Variants in SOHLH2 observed in about 807,000 individuals in gnomAD.
The protein encoded by SOHLH2 is spermatogenesis and oogenesis specific basic helix-loop-helix 2.
SOHLH2 carries 22 observed loss-of-function variants against 50.4 expected under a neutral mutation model. The observed-to-expected ratio is 0.44, with a 90% CI of 0.31 to 0.62. The LOEUF is 0.62. Among genes scored for constraint, SOHLH2 ranks in the 20% least tolerant of loss-of-function variants. The probability of loss-of-function intolerance (pLI) is 0.08; values close to 1 mark genes in which losing one functional copy is unlikely to be tolerated. For missense variants in SOHLH2, 412 were observed against 504.4 expected, an observed-to-expected ratio of 0.82 and a Z score of 1.76; for synonymous variants, 185 against 187.3, an observed-to-expected ratio of 0.99 and a Z score of 0.10.
At chr13:36,189,048 C>T (rs1465019342) in intron 6 of SOHLH2, among the ~76,000 whole-genome samples, 2 of 152,160 alleles carry the variant, frequency 1.3e-5, no homozygotes, top group African/African-American at 4.8e-5. Flanking sequence ...TGGATGGTGT[C>T]ACCATCCACT....
intron 6 of SOHLH2, among the ~76,000 whole-genome samples, chr13:36,177,300 C>A (rs182474943): frequency 1.3e-5 from 2 of 152,138 alleles, no homozygotes; most frequent in Non-Finnish European, 1.5e-5. Flanking sequence ...TATAAATATG[C>A]CACAGCTTAC....
At chr13:36,192,282 T>G (rs1051859833) in intron 4 of SOHLH2, among the ~76,000 whole-genome samples, 9 of 151,978 alleles carry the variant, frequency 5.9e-5, no homozygotes, top group Non-Finnish European at 4.4e-5. Flanking sequence ...TGAAAAAAAT[T>G]TTTTCCTTTT....
At chr13:36,191,198 C>T (rs1887562240) in intron 5 of SOHLH2, among the ~76,000 whole-genome samples, 1 of 152,060 alleles carries the variant, frequency 6.6e-6, no homozygotes, top group Admixed American at 6.6e-5. Context: ...AATGCCAGTT[C>T]TAATGTCTAT....
In SOHLH2 at chr13:36,202,036, C is replaced by G; in HGVS notation, c.106G>C (p.Val36Leu). The G allele has an allele frequency of 6.2e-7, 1 of 1,614,182 alleles. No homozygotes were observed. Among genetic ancestry groups the G allele is most frequent in the Non-Finnish European group, 8.5e-7 (1 of 1,180,034 alleles). Residue 36 changes from valine to leucine, a missense_variant, in exon 2 of 11, where the codon GTA becomes CTA. Coordinates refer to ENST00000379881, the MANE Select transcript of SOHLH2 (RefSeq NM_017826.3). The stretch of plus-strand genomic sequence containing the variant: ...GCTATGTTTGCAAATAGTTTCTGTA[C>G]AGTATCAGCCAGGTAGCCCACAGTG... ...DVTVGYLADTVQKLFANIAEV... is the reference protein window; with the variant it reads ...DVTVGYLADTLQKLFANIAEV...
At chr13:36,195,484 C>T (rs753138325) in intron 2 of SOHLH2, among the ~76,000 whole-genome samples, 1 of 152,122 alleles carries the variant, frequency 6.6e-6, no homozygotes, top group Non-Finnish European at 1.5e-5. Flanking sequence ...TCACAGAAGG[C>T]CTGTTAGGCC....
chr13:36,194,852 T>C (rs1434916109), intron 2 of SOHLH2, among the ~76,000 whole-genome samples: 1 of 152,208 alleles, frequency 6.6e-6, no homozygotes, highest in Non-Finnish European at 1.5e-5. Context: ...TTATTATTTA[T>C]TTATTAAAAT....
intron 9 of SOHLH2, 138 bp downstream of exon 9, chr13:36,173,553 AC>A (rs1887018894): frequency 1.0e-6 from 1 of 975,210 alleles, no homozygotes. Context: ...CACCTTGTGT[AC>A]CTGAGGCTGA....
chr13:36,178,036 ATACAG>A (rs1273772410), intron 6 of SOHLH2, among the ~76,000 whole-genome samples: 7 of 151,970 alleles, frequency 4.6e-5, no homozygotes, highest in South Asian at 2.1e-4. Context: ...GTAATGTCCA[ATACAG>A]TAGTCAATAG....
At chr13:36,200,696 G>A (rs1344254157) in intron 2 of SOHLH2, among the ~76,000 whole-genome samples, 1 of 152,098 alleles carries the variant, frequency 6.6e-6, no homozygotes. Context: ...TAAGTGGCAG[G>A]GAAGAATCTA....
At position 36,189,968 on chromosome 13, in the gene SOHLH2, A is replaced by T; in HGVS notation, c.619T>A (p.Ser207Thr). The T allele has an allele frequency of 6.3e-7, 1 of 1,593,648 alleles. No individual in the cohort carries two copies. Among genetic ancestry groups the T allele is most frequent in the Non-Finnish European group, 8.6e-7 (1 of 1,167,962 alleles). Residue 207 changes from serine to threonine, a missense_variant, in exon 6 of 11, where the codon TCA becomes ACA. Ser to Thr is a moderately conservative substitution (Grantham distance 58, BLOSUM62 1). Transcript: ENST00000379881. ...EKNKKISLLH[S>T]SKEKLRRERI... ...CACCTTCTTAGTTTTTCCTTGCTTG[A>T]ATGAAGAAGAGAGATCTTTTTGTTT...
intron 4 of SOHLH2, among the ~76,000 whole-genome samples, 162 bp downstream of exon 4, chr13:36,193,459 C>G (rs1460392384): frequency 6.6e-6 from 1 of 152,250 alleles, no homozygotes. Context: ...TGCCCTTGGG[C>G]AACACATTCT....
At position 36,169,041 on chromosome 13, in the gene SOHLH2, G is replaced by A. The variant is rs748493165; in HGVS notation, c.1271C>T (p.Ala424Val). The A allele has an allele frequency of 2.5e-6, 4 of 1,605,544 alleles. No individual in the cohort carries two copies. The highest frequency in any genetic ancestry group is 2.3e-5 in the East Asian group (1 of 44,230). The change falls in exon 11 of 11, where the codon GCG becomes GTG. Residue 424 changes from alanine to valine, a missense_variant. Ala to Val is a moderately conservative substitution (Grantham distance 64, BLOSUM62 0). Coordinates refer to ENST00000379881, the MANE Select transcript of SOHLH2 (RefSeq NM_017826.3). ...AATTTCAAACATGTGCTTTTAATAC[G>A]CCCAAAACTGTTGCTGCAAAGAAGG... ...THPNCLQQFW[A>V]Y
At chr13:36,210,632 T>C (rs530069092) in intron 1 of SOHLH2, among the ~76,000 whole-genome samples, 1 of 152,270 alleles carries the variant, frequency 6.6e-6, no homozygotes, top group Admixed American at 6.5e-5. Flanking sequence ...TTGGGGTAGA[T>C]GGGGAGGTTG....
chr13:36,207,000 A>C (rs1467888215), intron 1 of SOHLH2, among the ~76,000 whole-genome samples: 2 of 151,642 alleles, frequency 1.3e-5, no homozygotes. Context: ...AATGTTTTTC[A>C]CCTCAAATTT....
chr13:36,184,508 G>A (rs1378186407), intron 6 of SOHLH2, among the ~76,000 whole-genome samples: 1 of 127,610 alleles, frequency 7.8e-6, no homozygotes, highest in East Asian at 2.2e-4. Context: ...TGCCCAGGCT[G>A]GAGTACAGTG....
chr13:36,184,453 C>G (rs570190540), intron 6 of SOHLH2, among the ~76,000 whole-genome samples: 11,519 of 120,544 alleles, frequency 0.096, 677 homozygotes, highest in Non-Finnish European at 0.13. Context: ...TTTCTACCTA[C>G]AAAGACCTTT....
intron 6 of SOHLH2, among the ~76,000 whole-genome samples, chr13:36,175,363 T>C (rs1043035794): frequency 8.5e-5 from 13 of 152,232 alleles, no homozygotes; most frequent in African/African-American, 3.1e-4. Context: ...ACAGATCAGC[T>C]AGCATCTTGT....
intron 6 of SOHLH2, among the ~76,000 whole-genome samples, chr13:36,180,956 TGAGA>T (rs1158725660): frequency 6.6e-6 from 1 of 152,206 alleles, no homozygotes; most frequent in Non-Finnish European, 1.5e-5. Context: ...TATAAATTGC[TGAGA>T]GAGGAGTGTT....
intron 6 of SOHLH2, among the ~76,000 whole-genome samples, chr13:36,181,297 GTTTTT>G (rs1399565833): frequency 6.6e-6 from 1 of 151,970 alleles, no homozygotes; most frequent in Non-Finnish European, 1.5e-5. Context: ...GGTTTTGTTT[GTTTTT>G]ATCTATTCTG....
Sources: gnomAD v4.1 joint callset for allele counts (sites outside exome capture counted in the v4.1 genomes callset) on GRCh38, gnomAD v4.1.1 for gene constraint, MANE v1.5 for transcripts, NCBI Gene and HGNC (gene_info 2026-07-23, HGNC 2026-07-21) for gene names.